The following TARS3 variants were observed in gnomAD, a reference collection of about 807,000 sequenced individuals.
TARS3 encodes the protein threonine--tRNA ligase 2, cytoplasmic.
In TARS3, 94 loss-of-function variants were observed where a neutral mutation model predicts 103.5. The observed-to-expected ratio is 0.91, with a 90% CI of 0.77 to 1.08. The LOEUF (loss-of-function observed/expected upper bound fraction) is 1.08. Among genes scored for constraint, TARS3 ranks in the 50% least tolerant of loss-of-function variants. The pLI is 0.00. For missense variants in TARS3, 952 were observed against 995.2 expected (o/e 0.96, Z 0.58); for synonymous variants, 416 against 355.4 (o/e 1.17, Z -1.92).
intron 10 of TARS3, among the ~76,000 whole-genome samples, chr15:101,698,248 C>T (rs754892951): frequency 3.9e-5 from 6 of 152,062 alleles, no homozygotes; most frequent in African/African-American, 7.2e-5. Context: ...AGGAGAATGG[C>T]GTGAGCCTGG....
intron 3 of TARS3, among the ~76,000 whole-genome samples, chr15:101,719,025 C>T (rs1037944411): frequency 2.0e-5 from 3 of 152,170 alleles, no homozygotes; most frequent in African/African-American, 7.2e-5. Flanking sequence ...TAATGGACAA[C>T]TCCGAACTTC....
intron 12 of TARS3, among the ~76,000 whole-genome samples, chr15:101,677,749 C>T (rs1436090201): frequency 6.6e-6 from 1 of 152,018 alleles, no homozygotes; most frequent in Non-Finnish European, 1.5e-5. Flanking sequence ...CCACCCACCT[C>T]AGCCTCCCAA....
At chr15:101,660,242 G>A (rs147252547) in intron 16 of TARS3, among the ~76,000 whole-genome samples, 2 of 152,332 alleles carry the variant, frequency 1.3e-5, no homozygotes, top group African/African-American at 4.8e-5. Context: ...TGCATGAGCA[G>A]ATGCTTAGCC....
At chr15:101,677,068 T>C (rs539158919) in intron 12 of TARS3, among the ~76,000 whole-genome samples, 1 of 152,244 alleles carries the variant, frequency 6.6e-6, no homozygotes, top group African/African-American at 2.4e-5. Context: ...AGTTTGGTTT[T>C]CTATTCCTGT....
chr15:101,713,495 G>A (rs1899967207), intron 4 of TARS3, among the ~76,000 whole-genome samples: 1 of 152,226 alleles, frequency 6.6e-6, no homozygotes, highest in South Asian at 2.1e-4. Flanking sequence ...AGTTTCTTGG[G>A]TGGTTCTATA....
intron 3 of TARS3, among the ~76,000 whole-genome samples, chr15:101,718,292 C>T (rs146148012): frequency 3.3e-5 from 5 of 150,064 alleles, no homozygotes; most frequent in South Asian, 2.1e-4. Flanking sequence ...CGCTTGAAAC[C>T]GGAGGGCGGA....
chr15:101,661,162 A>G (rs1361340690), intron 16 of TARS3, among the ~76,000 whole-genome samples: 3 of 152,074 alleles, frequency 2.0e-5, no homozygotes, highest in African/African-American at 7.2e-5. Flanking sequence ...AAGATGCACC[A>G]CTCAAAATTC....
intron 18 of TARS3, among the ~76,000 whole-genome samples, chr15:101,655,506 C>G (rs1200006831): frequency 7.3e-6 from 1 of 136,186 alleles, no homozygotes; most frequent in East Asian, 2.2e-4. Flanking sequence ...CAGGCTCACA[C>G]TGACCCCACC....
chr15:101,655,711 C>T (rs529634900), intron 18 of TARS3, among the ~76,000 whole-genome samples: 8 of 146,428 alleles, frequency 5.5e-5, no homozygotes, highest in African/African-American at 1.3e-4. Context: ...CAAATGAGAG[C>T]GGGGAGCTCT....
Position 101,656,918 on chromosome 15 carries a change from T to C in TARS3, c.2260+4A>G, listed in dbSNP as rs1897214421. 6.3e-7 allele frequency: 1 copy of C among 1,581,856 alleles called. No homozygotes were observed. The highest frequency in any genetic ancestry group is 1.8e-5 in the Admixed American group (1 of 56,958). On this transcript the variant is annotated splice_donor_region_variant and intron_variant, in intron 18 of 18. Transcript: ENST00000335968. ...TTGGAAAAATATATACAAACTTAAA[T>C]TACCCAAAATAAAATTATACTGAGC...
At chr15:101,655,141 C>T (rs961283498) in intron 18 of TARS3, among the ~76,000 whole-genome samples, 1 of 127,926 alleles carries the variant, frequency 7.8e-6, no homozygotes, top group South Asian at 2.6e-4. Context: ...CAAATGAGAG[C>T]GGGGAGCTCT....
At chr15:101,717,487 A>C (rs1900211790) in intron 3 of TARS3, among the ~76,000 whole-genome samples, 1 of 144,792 alleles carries the variant, frequency 6.9e-6, no homozygotes, top group Non-Finnish European at 1.5e-5. Context: ...CTTCTCCAGA[A>C]GGAGTTTTCC....
intron 18 of TARS3, chr15:101,656,036 A>T (rs914098596): frequency 7.8e-7 from 1 of 1,289,092 alleles, no homozygotes; most frequent in Non-Finnish European, 1.0e-6. Context: ...GATAAGTGGA[A>T]TAAGGTAGAT....
chr15:101,702,187 T>C (rs1032716637), intron 9 of TARS3, 52 bp downstream of exon 9: 7 of 1,594,998 alleles, frequency 4.4e-6, no homozygotes, highest in South Asian at 1.1e-5. Flanking sequence ...GACAGAAACA[T>C]TCCTATGTTG....
At chr15:101,663,266 A>G (rs954190375) in intron 15 of TARS3, among the ~76,000 whole-genome samples, 1 of 152,248 alleles carries the variant, frequency 6.6e-6, no homozygotes, top group Non-Finnish European at 1.5e-5. Flanking sequence ...ATATGTATAC[A>G]TGAGCCACGC....
At chr15:101,709,895 C>T (rs529435903) in intron 5 of TARS3, among the ~76,000 whole-genome samples, 16 of 152,162 alleles carry the variant, frequency 1.1e-4, no homozygotes, top group Non-Finnish European at 2.1e-4. Context: ...TTTTAAAATC[C>T]TGAAATCTCT....
At chr15:101,662,631 A>C (rs1897427249) in intron 15 of TARS3, among the ~76,000 whole-genome samples, 2 of 152,196 alleles carry the variant, frequency 1.3e-5, no homozygotes, top group Admixed American at 1.3e-4. Flanking sequence ...TCTGGACCCT[A>C]CAGGAAGCTT....
At chr15:101,706,389 C>T (rs1203824660) in intron 6 of TARS3, among the ~76,000 whole-genome samples, 1 of 152,210 alleles carries the variant, frequency 6.6e-6, no homozygotes, top group East Asian at 1.9e-4. Context: ...ATTCGTTAAT[C>T]ATTCTTTATA....
chr15:101,676,056 G>A (rs1418906868), intron 12 of TARS3, among the ~76,000 whole-genome samples: 3 of 152,172 alleles, frequency 2.0e-5, no homozygotes, highest in South Asian at 2.1e-4. Flanking sequence ...TGCATGGAGC[G>A]GAAGCTCAGG....
Sources: gnomAD v4.1 joint callset for allele counts (sites outside exome capture counted in the v4.1 genomes callset) on GRCh38, gnomAD v4.1.1 for gene constraint, MANE v1.5 for transcripts, NCBI Gene and HGNC (gene_info 2026-07-23, HGNC 2026-07-21) for gene names.